The following GMDS variants were observed in gnomAD, a reference collection of about 807,000 sequenced individuals.
GMDS encodes GDP-mannose 4,6 dehydratase.
Under a neutral mutation model 49.9 loss-of-function variants are expected in GMDS, and 20 were observed. The ratio of observed to expected loss-of-function variants is 0.40; its 90% CI spans 0.28 to 0.58. GMDS has a LOEUF of 0.58. Ranked by LOEUF, GMDS falls within the 20% of genes least tolerant of loss-of-function variation. The pLI is 0.42. For missense variants in GMDS, 362 were observed against 481.4 expected (o/e 0.75, Z 2.32); for synonymous variants, 177 against 178.6 (o/e 0.99, Z 0.07).
At chr6:1,738,206 T>G (rs1234176268) in intron 8 of GMDS, among the ~76,000 whole-genome samples, 6 of 151,064 alleles carry the variant, frequency 4.0e-5, no homozygotes, top group African/African-American at 1.5e-4. Flanking sequence ...CACACACACA[T>G]ACACACACAC....
chr6:1,682,660 C>G lies in GMDS; in HGVS notation c.987+43756G>C, dbSNP rs1349778314. 1.1e-4 allele frequency among the ~76,000 whole-genome samples: 3 copies of G among 26,234 alleles called. 1 individual carries two copies. Among genetic ancestry groups the G allele is most frequent in the African/African-American group, 4.1e-4 (3 of 7,304 alleles). The allele number at this position is 26,234 out of a possible 152,430, so 17.2% of individuals were successfully genotyped here. A position where few individuals can be genotyped will look rare whatever the true frequency, so the allele number is the denominator to read the frequency against. ...TCTCGGCTCACTGCAAGCTCCGCCT[C>G]CCGGGTTCACGCCATTCTCCTGCCT... On this transcript the variant is annotated intron_variant, in intron 9 of 10. Transcript: ENST00000380815.
At chr6:2,104,739 T>G (rs988620293) in intron 4 of GMDS, among the ~76,000 whole-genome samples, 3 of 152,134 alleles carry the variant, frequency 2.0e-5, no homozygotes, top group African/African-American at 7.2e-5. Context: ...TTATTGCTGC[T>G]GATAAATTTT....
chr6:1,740,644 C>G (rs370941359), intron 8 of GMDS, among the ~76,000 whole-genome samples: 5 of 150,084 alleles, frequency 3.3e-5, no homozygotes, highest in Non-Finnish European at 7.4e-5. Flanking sequence ...CAAACATAAT[C>G]AATCCAACAA....
intron 6 of GMDS, among the ~76,000 whole-genome samples, chr6:1,940,114 T>C (rs188059813): frequency 6.6e-6 from 1 of 152,380 alleles, no homozygotes; most frequent in East Asian, 1.9e-4. Context: ...CAAATGTATA[T>C]TTCCTATGGC....
chr6:1,976,677 G>T (rs1014176461), intron 4 of GMDS, among the ~76,000 whole-genome samples: 1 of 152,098 alleles, frequency 6.6e-6, no homozygotes, highest in Non-Finnish European at 1.5e-5. Flanking sequence ...AATGATAATA[G>T]TATACTGGTA....
chr6:1,897,025 A>G (rs1760235777), intron 7 of GMDS, among the ~76,000 whole-genome samples: 2 of 152,204 alleles, frequency 1.3e-5, no homozygotes, highest in African/African-American at 2.4e-5. Context: ...ATATCAACAA[A>G]GGTGGGAGAT....
chr6:2,205,873 G>C (rs1008641134), intron 1 of GMDS, among the ~76,000 whole-genome samples: 6 of 152,130 alleles, frequency 3.9e-5, no homozygotes, highest in Admixed American at 2.0e-4. Context: ...GCTACCACAC[G>C]TGTGTTCTGT....
chr6:2,003,166 A>G (rs939416854), intron 4 of GMDS, among the ~76,000 whole-genome samples: 3 of 152,116 alleles, frequency 2.0e-5, no homozygotes, highest in Admixed American at 6.6e-5. Flanking sequence ...TTTACTCCTT[A>G]GTCATAATTA....
chr6:1,644,929 C>T (rs1763440524), intron 9 of GMDS, among the ~76,000 whole-genome samples: 1 of 144,106 alleles, frequency 6.9e-6, no homozygotes, highest in Non-Finnish European at 1.5e-5. Flanking sequence ...AGACTCTGGT[C>T]CTTTTTTTTT....
At chr6:1,868,733 C>T (rs867530825) in intron 7 of GMDS, among the ~76,000 whole-genome samples, 11 of 152,124 alleles carry the variant, frequency 7.2e-5, no homozygotes, top group African/African-American at 2.2e-4. Context: ...CAAGTAAATG[C>T]TTAGTGACTC....
chr6:2,009,779 G>A (rs1373857090), intron 4 of GMDS, among the ~76,000 whole-genome samples: 1 of 152,036 alleles, frequency 6.6e-6, no homozygotes, highest in African/African-American at 2.4e-5. Flanking sequence ...TGACAAATAG[G>A]ATCTTCATCT....
intron 7 of GMDS, among the ~76,000 whole-genome samples, chr6:1,856,697 C>T (rs1175086092): frequency 6.6e-6 from 1 of 152,192 alleles, no homozygotes; most frequent in Non-Finnish European, 1.5e-5. Flanking sequence ...GGGGGCTCCA[C>T]CCTAGACCCA....
rs1258203658 is a variant in GMDS, at chr6:1,652,628, ATATATAATATATATAATATATATTATT to A, written c.988-28115_988-28089del. ...ATAATATATATAATATATATTATTTATATATAATATATATAATATATATTATTTATATATAATATATATAATATATAT... is the reference window on the plus strand; with the variant it reads ...ATAATATATATAATATATATTATTTATATATATAATATATATAATATATAT... On this transcript the variant is annotated intron_variant, in intron 9 of 10. Coordinates refer to ENST00000380815, the MANE Select transcript of GMDS (RefSeq NM_001500.4). Among the ~76,000 whole-genome samples, 20 of 6,940 alleles carry A rather than the reference ATATATAATATATATAATATATATTATT, an allele frequency of 2.9e-3. 3 individuals carry two copies. Among genetic ancestry groups the A allele is most frequent in the Non-Finnish European group, 4.4e-3 (15 of 3,388 alleles). 4.6% of individuals were successfully genotyped at this position (6,940 alleles called of 152,430 possible).
intron 7 of GMDS, among the ~76,000 whole-genome samples, chr6:1,774,815 C>T (rs1278077178): frequency 6.6e-6 from 1 of 152,142 alleles, no homozygotes; most frequent in Non-Finnish European, 1.5e-5. Context: ...ATCAGTGTGG[C>T]ATGTAACTTC....
chr6:1,908,843 CAA>C (rs929754794), intron 7 of GMDS, among the ~76,000 whole-genome samples: 7 of 152,160 alleles, frequency 4.6e-5, no homozygotes, highest in Non-Finnish European at 8.8e-5. Context: ...ATTAAAAAAT[CAA>C]GAGTTCTGCG....
At chr6:2,133,168 T>G (rs1775830461) in intron 1 of GMDS, among the ~76,000 whole-genome samples, 1 of 152,100 alleles carries the variant, frequency 6.6e-6, no homozygotes, top group African/African-American at 2.4e-5. Flanking sequence ...CTTTGTCCAG[T>G]GTGCAAGGCC....
chr6:2,010,353 A>G (rs9405539), intron 4 of GMDS, among the ~76,000 whole-genome samples: 30,574 of 150,298 alleles, frequency 0.2, 3,514 homozygotes, highest in Non-Finnish European at 0.24. Context: ...AAGAAAGAAA[A>G]AAAAAAACAC....
chr6:1,972,262 G>GTT (rs5873825), intron 4 of GMDS, among the ~76,000 whole-genome samples: 2,588 of 133,624 alleles, frequency 0.019, 38 homozygotes, highest in African/African-American at 0.021. Context: ...CTGGGTTTTT[G>GTT]TTTTTTTTTT....
intron 6 of GMDS, among the ~76,000 whole-genome samples, chr6:1,949,305 T>C (rs1479546671): frequency 1.3e-5 from 2 of 152,190 alleles, no homozygotes; most frequent in African/African-American, 4.8e-5. Context: ...GAGATCTGAG[T>C]AAGTGACGTG....
Sources: allele counts gnomAD v4.1 joint callset (sites outside exome capture counted in the v4.1 genomes callset), GRCh38; gene constraint gnomAD v4.1.1; transcripts MANE v1.5; gene names NCBI Gene and HGNC (gene_info 2026-07-23, HGNC 2026-07-21).